The following ENPEP variants were observed in gnomAD, a reference collection of about 807,000 sequenced individuals.
The protein encoded by ENPEP is glutamyl aminopeptidase.
In ENPEP, 103 loss-of-function variants were observed where a neutral mutation model predicts 114.5. That is an observed-to-expected ratio of 0.90 (90% CI 0.77 to 1.06). The LOEUF (loss-of-function observed/expected upper bound fraction) is 1.06. Ranked by LOEUF, ENPEP falls within the 50% of genes least tolerant of loss-of-function variation. ENPEP has a pLI of 0.00. For missense variants in ENPEP, 1,196 were observed against 1,161.3 expected (o/e 1.03, Z -0.43); for synonymous variants, 420 against 422.0 (o/e 1.00, Z 0.06).
rs577099629 is a variant in ENPEP, at chr4:110,511,683, C to T, written c.1308+1325C>T. On this transcript the variant is annotated intron_variant, in intron 6 of 19. Coordinates refer to ENST00000265162, the MANE Select transcript of ENPEP (RefSeq NM_001977.4). ...AATGGCTAAATTCCAGAAGAATTTG[C>T]TGTGCACTTCTTAAGTGAAATTTAA... Among the ~76,000 whole-genome samples, 64 of 152,168 alleles carry T rather than the reference C, an allele frequency of 4.2e-4. No individual in the cohort carries two copies. The Middle Eastern group carries it at 0.01, about 24-fold the overall frequency.
chr4:110,553,181 A>G, intron 17 of ENPEP, 134 bp from the exon 18 acceptor site: 1 of 731,064 alleles, frequency 1.4e-6, no homozygotes, highest in Non-Finnish European at 2.0e-6. Flanking sequence ...ATCATTTGTC[A>G]TATTTAATTA....
rs1725933037 is a variant in ENPEP, at chr4:110,520,208, A to G, written c.1576-7A>G. ...TTAATTAATCTCCATTTTGTTTTCA[A>G]TCTTAGGCAAGTAGGCTACCAGTGA... On this transcript the variant is annotated splice_region_variant and splice_polypyrimidine_tract_variant and intron_variant, in intron 9 of 19. Transcript: ENST00000265162. The G allele has an allele frequency of 6.2e-7, 1 of 1,612,844 alleles. No individual in the cohort carries two copies. The highest frequency in any genetic ancestry group is 1.3e-5 in the African/African-American group (1 of 74,868).
At chr4:110,521,273 G>A (rs1578406179) in intron 10 of ENPEP, among the ~76,000 whole-genome samples, 2 of 152,206 alleles carry the variant, frequency 1.3e-5, no homozygotes, top group East Asian at 3.9e-4. Context: ...AGGAGGCTGA[G>A]GCATGAAGAC....
chr4:110,480,923 C>A (rs1724291009), intron 1 of ENPEP, among the ~76,000 whole-genome samples: 1 of 152,062 alleles, frequency 6.6e-6, no homozygotes, highest in Non-Finnish European at 1.5e-5. Flanking sequence ...TGGAATGTTT[C>A]TCTGACCACA....
chr4:110,535,964 T>C (rs1400727543), intron 11 of ENPEP, among the ~76,000 whole-genome samples: 1 of 149,632 alleles, frequency 6.7e-6, no homozygotes, highest in East Asian at 1.9e-4. Flanking sequence ...ACATATATAC[T>C]TTTTTATACA....
chr4:110,520,689 G>A (rs1482113406), intron 10 of ENPEP, among the ~76,000 whole-genome samples: 1 of 152,180 alleles, frequency 6.6e-6, no homozygotes, highest in East Asian at 1.9e-4. Flanking sequence ...AAAGCAGAAG[G>A]AGAAATACAG....
chr4:110,519,905 C>T lies in ENPEP; in HGVS notation c.1510-103C>T, dbSNP rs905644429. The T allele has an allele frequency of 6.6e-5, 63 of 961,622 alleles. 1 individual carries two copies. The highest frequency in any genetic ancestry group is 2.2e-4 in the South Asian group (14 of 64,490). The allele number at this position is 961,622 out of a possible 1,614,324, so 59.6% of individuals were successfully genotyped here. A position where few individuals can be genotyped will look rare whatever the true frequency, so the allele number is the denominator to read the frequency against. ...TACATGTTATCTATGGCTGGTTTTG[C>T]GCAATGGAGGTAGAATTGAGTAGCA... On this transcript the variant is annotated intron_variant, in intron 8 of 19. Coordinates refer to ENST00000265162, the MANE Select transcript of ENPEP (RefSeq NM_001977.4).
At chr4:110,487,891 A>G (rs1363598058) in intron 1 of ENPEP, among the ~76,000 whole-genome samples, 1 of 152,172 alleles carries the variant, frequency 6.6e-6, no homozygotes, top group Non-Finnish European at 1.5e-5. Context: ...ATGCCTAGTT[A>G]GAGCCATAAA....
chr4:110,551,181 A>T (rs1476752690), intron 17 of ENPEP, among the ~76,000 whole-genome samples: 1 of 152,018 alleles, frequency 6.6e-6, no homozygotes, highest in Admixed American at 6.6e-5. Context: ...TGCTGATTGT[A>T]TCTGGTAAGA....
chr4:110,535,719 G>A (rs983974105), intron 11 of ENPEP, among the ~76,000 whole-genome samples: 1 of 152,206 alleles, frequency 6.6e-6, no homozygotes, highest in African/African-American at 2.4e-5. Context: ...GGGCGCGGTG[G>A]CTCACGCCTG....
chr4:110,509,471 C>T (rs781670657), intron 4 of ENPEP, among the ~76,000 whole-genome samples, 182 bp from the exon 5 acceptor site: 2 of 152,230 alleles, frequency 1.3e-5, no homozygotes, highest in African/African-American at 4.8e-5. Context: ...GCAGGGAATG[C>T]TCTATGGAAA....
At chr4:110,477,864 T>C (rs1724172801) in intron 1 of ENPEP, among the ~76,000 whole-genome samples, 1 of 152,204 alleles carries the variant, frequency 6.6e-6, no homozygotes. Flanking sequence ...TTCCCACCTA[T>C]TTGTCTAGCC....
chr4:110,506,880 C>CT (rs1560557337), intron 4 of ENPEP, 123 bp downstream of exon 4: 25 of 915,078 alleles, frequency 2.7e-5, no homozygotes, highest in Non-Finnish European at 3.8e-5. Context: ...TTATTCTATG[C>CT]CGACAATATC....
intron 17 of ENPEP, 108 bp downstream of exon 17, chr4:110,549,994 C>A: frequency 1.8e-6 from 2 of 1,123,236 alleles, no homozygotes; most frequent in Non-Finnish European, 2.4e-6. Context: ...CAAAAAAATC[C>A]ATTAAAAGTT....
chr4:110,549,215 C>T (rs1386636641), intron 14 of ENPEP, 131 bp from the exon 15 acceptor site: 1 of 726,180 alleles, frequency 1.4e-6, no homozygotes. Context: ...CATTGTTTTT[C>T]TAAGGACAAG....
chr4:110,530,056 A>G (rs1726346589), intron 10 of ENPEP, among the ~76,000 whole-genome samples: 1 of 148,804 alleles, frequency 6.7e-6, no homozygotes, highest in East Asian at 2.0e-4. Flanking sequence ...AGCCTGGGCA[A>G]CAAGAATGAA....
Position 110,509,667 on chromosome 4 carries a change from C to G in ENPEP, c.1054C>G (p.Pro352Ala). 6.2e-7 allele frequency: 1 copy of G among 1,612,236 alleles called. No individual in the cohort carries two copies. The highest frequency in any genetic ancestry group is 8.5e-7 in the Non-Finnish European group (1 of 1,179,576). Residue 352 changes from proline to alanine, a missense_variant, in exon 5 of 20, where the codon CCA becomes GCA. Pro to Ala is a conservative substitution (Grantham distance 27). Coordinates refer to ENST00000265162, the MANE Select transcript of ENPEP (RefSeq NM_001977.4). ...TTCTTCTATAGATAAAATCGCTATTCCAGATTTTGGCACTGGTGCCATGGA... is the reference window on the plus strand; with the variant it reads ...TTCTTCTATAGATAAAATCGCTATTGCAGATTTTGGCACTGGTGCCATGGA... ...SLPKLDKIAI[P>A]DFGTGAMENW...
chr4:110,533,528 A>G (rs1438982084), intron 11 of ENPEP: 2 of 152,250 alleles, frequency 1.3e-5, no homozygotes, highest in Admixed American at 1.3e-4. Context: ...GGCAATGCAG[A>G]TCACCAAAAG....
At position 110,492,852 on chromosome 4, in the gene ENPEP, C is replaced by T. The variant is rs137919080; in HGVS notation, c.918+1688C>T. Among the ~76,000 whole-genome samples the T allele has an allele frequency of 4.1e-4, 62 of 152,306 alleles. No individual in the cohort carries two copies. In the East Asian group the frequency reaches 0.011, roughly 27 times the overall value. On this transcript the variant is annotated intron_variant, in intron 3 of 19. Transcript: ENST00000265162. The stretch of plus-strand genomic sequence containing the variant: ...AATTTTCATCTGAAGCTGCTTTCTT[C>T]ATCATTGACAATTCAATTGCATGAC...
Sources: gnomAD v4.1 joint callset for allele counts (sites outside exome capture counted in the v4.1 genomes callset) on GRCh38, gnomAD v4.1.1 for gene constraint, MANE v1.5 for transcripts, NCBI Gene and HGNC (gene_info 2026-07-23, HGNC 2026-07-21) for gene names.